CCDC146: variants seen among roughly 807,000 people sequenced by gnomAD.
CCDC146 encodes coiled-coil domain containing 146, also known as coiled-coil domain-containing protein 146.
Under a neutral mutation model 119.3 loss-of-function variants are expected in CCDC146, and 92 were observed. The ratio of observed to expected loss-of-function variants is 0.77; its 90% CI spans 0.65 to 0.92. The LOEUF (loss-of-function observed/expected upper bound fraction) is 0.92. Among genes scored for constraint, CCDC146 ranks in the 40% least tolerant of loss-of-function variants. The probability of loss-of-function intolerance (pLI) is 0.00; values close to 1 mark genes in which losing one functional copy is unlikely to be tolerated. For missense variants in CCDC146, 1,000 were observed against 1,103.0 expected (o/e 0.91, Z 1.32); for synonymous variants, 372 against 371.8 (o/e 1.00, Z -0.01).
Position 77,260,041 on chromosome 7 carries a change from A to C in CCDC146, c.791A>C (p.Gln264Pro). 6.2e-7 allele frequency: 1 copy of C among 1,613,026 alleles called. No individual in the cohort carries two copies. Among genetic ancestry groups the C allele is most frequent in the Non-Finnish European group, 8.5e-7 (1 of 1,179,756 alleles). Residue 264 changes from glutamine to proline, a missense_variant, in exon 8 of 19, where the codon CAA becomes CCA. Physicochemically the swap from Gln to Pro is moderately conservative, Grantham distance 76. Around this residue, in one of 2 missense-constraint regions of CCDC146, gnomAD observed 985 missense variants for 1,045.3 expected, o/e 0.94. Transcript: ENST00000285871. ...GAAAAGAAAAAAATTGTCTTGGAAC[A>C]AGAAGTCAAAACGCTAAATGACTCC... ...EMEKKKIVLEQEVKTLNDSLK... is the reference protein window; with the variant it reads ...EMEKKKIVLEPEVKTLNDSLK...
chr7:77,188,220 G>A (rs1045951722), intron 2 of CCDC146, among the ~76,000 whole-genome samples: 1 of 152,100 alleles, frequency 6.6e-6, no homozygotes, highest in Non-Finnish European at 1.5e-5. Context: ...TAATTCGGGT[G>A]AAGTTTTTCC....
chr7:77,172,791 G>A (rs1791441923), intron 2 of CCDC146, among the ~76,000 whole-genome samples: 1 of 152,112 alleles, frequency 6.6e-6, no homozygotes, highest in Non-Finnish European at 1.5e-5. Context: ...CTGCCTAGTC[G>A]TATTGCCTCC....
chr7:77,148,694 C>T (rs556940811), intron 1 of CCDC146, among the ~76,000 whole-genome samples: 45 of 152,212 alleles, frequency 3.0e-4, no homozygotes, highest in African/African-American at 1.1e-3. Flanking sequence ...AATAGACAAA[C>T]AGAGCACCAA....
At chr7:77,166,090 T>C (rs1791334302) in intron 1 of CCDC146, among the ~76,000 whole-genome samples, 1 of 152,224 alleles carries the variant, frequency 6.6e-6, no homozygotes, top group African/African-American at 2.4e-5. Context: ...ATAGAATGCA[T>C]ATAAGCAAGT....
chr7:77,197,131 A>C, intron 2 of CCDC146: 1 of 608,468 alleles, frequency 1.6e-6, no homozygotes, highest in Non-Finnish European at 2.9e-6. Flanking sequence ...CTGTTTAGCA[A>C]ATGCTTAAGG....
chr7:77,167,476 TAGAG>T (rs761956749), intron 1 of CCDC146, among the ~76,000 whole-genome samples, 178 bp from the exon 2 acceptor site: 1 of 152,106 alleles, frequency 6.6e-6, no homozygotes, highest in Non-Finnish European at 1.5e-5. Flanking sequence ...AATGCAACAA[TAGAG>T]AGTGTCTTTG....
chr7:77,177,915 A>C (rs1791524525), intron 2 of CCDC146, among the ~76,000 whole-genome samples: 1 of 152,182 alleles, frequency 6.6e-6, no homozygotes, highest in Non-Finnish European at 1.5e-5. Flanking sequence ...TATTGTTCCC[A>C]TATTTTTGTT....
chr7:77,199,668 T>G, intron 2 of CCDC146: 1 of 1,614,220 alleles, frequency 6.2e-7, no homozygotes. Context: ...TGCTTTCTAG[T>G]CTCACTGGGC....
At chr7:77,191,400 T>C (rs1226088088) in intron 2 of CCDC146, among the ~76,000 whole-genome samples, 3 of 152,190 alleles carry the variant, frequency 2.0e-5, no homozygotes, top group Non-Finnish European at 1.5e-5. Context: ...CTCTTTAGAG[T>C]ACAACTCTTT....
chr7:77,266,157 T>A (rs201356797), intron 9 of CCDC146, among the ~76,000 whole-genome samples: 3 of 152,340 alleles, frequency 2.0e-5, no homozygotes, highest in Admixed American at 1.3e-4. Context: ...GTGAAGTTAT[T>A]CGCTTTCTAA....
chr7:77,153,967 T>A (rs1195138811), intron 1 of CCDC146, among the ~76,000 whole-genome samples: 1 of 151,934 alleles, frequency 6.6e-6, no homozygotes, highest in Admixed American at 6.6e-5. Flanking sequence ...AGAATACCAT[T>A]CGGCAATTAA....
At chr7:77,238,680 G>A (rs1792786003) in intron 3 of CCDC146, among the ~76,000 whole-genome samples, 1 of 152,126 alleles carries the variant, frequency 6.6e-6, no homozygotes, top group African/African-American at 2.4e-5. Flanking sequence ...GCCTCCCAAA[G>A]TGCTGGGATT....
intron 2 of CCDC146, among the ~76,000 whole-genome samples, chr7:77,168,523 T>C (rs1791372305): frequency 6.6e-6 from 1 of 152,004 alleles, no homozygotes; most frequent in Admixed American, 6.6e-5. Context: ...AAAAAATAAG[T>C]TTAAAAAGTC....
chr7:77,255,491 T>C (rs1239800120), intron 5 of CCDC146: 2 of 152,120 alleles, frequency 1.3e-5, no homozygotes, highest in African/African-American at 4.8e-5. Flanking sequence ...TAGCATAGAG[T>C]AAAATACTAT....
At chr7:77,266,818 A>G (rs749579125) in intron 9 of CCDC146, among the ~76,000 whole-genome samples, 54 of 152,188 alleles carry the variant, frequency 3.5e-4, no homozygotes, top group Non-Finnish European at 7.1e-4. Context: ...TGACACATTC[A>G]TGTGTCACTC....
At chr7:77,270,692 G>A (rs1392859817) in intron 9 of CCDC146, among the ~76,000 whole-genome samples, 1 of 152,174 alleles carries the variant, frequency 6.6e-6, no homozygotes, top group Non-Finnish European at 1.5e-5. Context: ...TAAATAGGGA[G>A]TTGTTTTACT....
At chr7:77,131,854 G>A (rs1435361377) in intron 1 of CCDC146, among the ~76,000 whole-genome samples, 21 of 152,152 alleles carry the variant, frequency 1.4e-4, no homozygotes, top group Non-Finnish European at 1.5e-5. Flanking sequence ...AAAAACGATA[G>A]GGAGCAGATC....
chr7:77,268,750 A>G (rs891885951), intron 9 of CCDC146, among the ~76,000 whole-genome samples: 4 of 152,254 alleles, frequency 2.6e-5, no homozygotes, highest in African/African-American at 4.8e-5. Context: ...CATACAGACA[A>G]TTAGTGCTTT....
rs547821848 is a variant in CCDC146, at chr7:77,128,052, G to A, written c.-12+5320G>A. ...TAAACTGCTCCGTTTATTTTACTGT[G>A]GTTTCTTTACCTTCTCTTGCCTTTT... On this transcript the variant is annotated intron_variant, in intron 1 of 18. Transcript: ENST00000285871. Among the ~76,000 whole-genome samples, 22 of 151,914 alleles carry A rather than the reference G, an allele frequency of 1.4e-4. No homozygotes were observed. The East Asian group carries it at 3.9e-3, about 27-fold the overall frequency.
Sources: allele counts gnomAD v4.1 joint callset (sites outside exome capture counted in the v4.1 genomes callset), GRCh38; gene constraint gnomAD v4.1.1; regional missense constraint gnomAD v4.1.1; transcripts MANE v1.5; gene names NCBI Gene and HGNC (gene_info 2026-07-23, HGNC 2026-07-21).